The following KCNAB1 variants were observed in gnomAD, a reference collection of about 807,000 sequenced individuals.
The protein encoded by KCNAB1 is voltage-gated potassium channel subunit beta-1.
KCNAB1 carries 35 observed loss-of-function variants against 64.6 expected under a neutral mutation model. That is an observed-to-expected ratio of 0.54 (90% CI 0.41 to 0.72). The LOEUF (loss-of-function observed/expected upper bound fraction) is 0.72, where lower values mean the gene tolerates loss of function less well. KCNAB1 is among the 30% of genes least tolerant of loss of function. The probability of loss-of-function intolerance (pLI) is 0.00; values close to 1 mark genes in which losing one functional copy is unlikely to be tolerated. For missense variants in KCNAB1, 401 were observed against 512.9 expected, an observed-to-expected ratio of 0.78 and a Z score of 2.11; for synonymous variants, 177 against 183.8, an observed-to-expected ratio of 0.96 and a Z score of 0.30.
At chr3:156,500,342 T>C (rs1559917341) in intron 8 of KCNAB1, among the ~76,000 whole-genome samples, 1 of 152,190 alleles carries the variant, frequency 6.6e-6, no homozygotes, top group Non-Finnish European at 1.5e-5. Context: ...TGAAGCACCA[T>C]GTGACTGCAT....
chr3:156,263,668 T>C (rs1184502423), intron 1 of KCNAB1, among the ~76,000 whole-genome samples: 1 of 152,252 alleles, frequency 6.6e-6, no homozygotes, highest in East Asian at 1.9e-4. Context: ...GATCTCCTGG[T>C]GCTCATATCA....
chr3:156,303,497 A>G (rs1043731154), intron 1 of KCNAB1, among the ~76,000 whole-genome samples: 1 of 152,160 alleles, frequency 6.6e-6, no homozygotes, highest in Non-Finnish European at 1.5e-5. Context: ...AAATGAGGAA[A>G]TGGCTCCTGG....
At chr3:156,147,919 C>T (rs1366257078) in intron 1 of KCNAB1, among the ~76,000 whole-genome samples, 1 of 138,788 alleles carries the variant, frequency 7.2e-6, no homozygotes, top group African/African-American at 2.6e-5. Context: ...GCTCCCCAAC[C>T]TCCATCCCAC....
At chr3:156,127,260 T>A (rs1713714672) in intron 1 of KCNAB1, among the ~76,000 whole-genome samples, 1 of 152,218 alleles carries the variant, frequency 6.6e-6, no homozygotes, top group South Asian at 2.1e-4. Flanking sequence ...ATATTTTTTT[T>A]CCTAGAAAAA....
At chr3:156,463,574 C>T (rs1713106917) in intron 5 of KCNAB1, 128 bp from the exon 6 acceptor site, 1 of 749,298 alleles carries the variant, frequency 1.3e-6, no homozygotes. Flanking sequence ...ACAAATTTAC[C>T]TCTTTACCAA....
At chr3:156,335,241 G>C (rs1723605510) in intron 1 of KCNAB1, among the ~76,000 whole-genome samples, 1 of 152,136 alleles carries the variant, frequency 6.6e-6, no homozygotes, top group African/African-American at 2.4e-5. Context: ...TTTTAGTCTA[G>C]AAAATGCTTA....
chr3:156,408,639 G>A (rs931494372), intron 1 of KCNAB1, among the ~76,000 whole-genome samples: 1 of 152,042 alleles, frequency 6.6e-6, no homozygotes, highest in Admixed American at 6.5e-5. Flanking sequence ...AATTAGCCGG[G>A]TGTGGTGGGG....
intron 1 of KCNAB1, among the ~76,000 whole-genome samples, chr3:156,231,672 T>C (rs1017649569): frequency 4.6e-5 from 7 of 151,914 alleles, no homozygotes; most frequent in African/African-American, 1.7e-4. Flanking sequence ...AAGCAATTCC[T>C]CTGCACAATA....
At chr3:156,277,356 T>C (rs1210788258) in intron 1 of KCNAB1, among the ~76,000 whole-genome samples, 3 of 152,052 alleles carry the variant, frequency 2.0e-5, no homozygotes, top group Non-Finnish European at 4.4e-5. Flanking sequence ...CACAGAGACA[T>C]GAAGTGAGTG....
chr3:156,334,983 T>A (rs1335645575), intron 1 of KCNAB1, among the ~76,000 whole-genome samples: 1 of 152,196 alleles, frequency 6.6e-6, no homozygotes, highest in Non-Finnish European at 1.5e-5. Flanking sequence ...TGCCCTTCTT[T>A]CCCAAATGCA....
At position 156,396,259 on chromosome 3, in the gene KCNAB1, A is replaced by G. The variant is rs3796167; in HGVS notation, c.276-25357A>G. On this transcript the variant is annotated intron_variant, in intron 1 of 13. Transcript: ENST00000490337. ...CTAACCTTGCTATTTGAAGGTAGGT[A>G]GAGCTAGCTCAGATAAATGTTTTAA... 3.1e-4 allele frequency among the ~76,000 whole-genome samples: 47 copies of G among 152,362 alleles called. 1 individual carries two copies. In the East Asian group the frequency reaches 7.9e-3, roughly 26 times the overall value.
chr3:156,240,236 C>T (rs1235295779), intron 1 of KCNAB1, among the ~76,000 whole-genome samples: 2 of 152,134 alleles, frequency 1.3e-5, no homozygotes, highest in African/African-American at 2.4e-5. Context: ...CATTTCTAAG[C>T]GATATGGCCT....
intron 1 of KCNAB1, among the ~76,000 whole-genome samples, chr3:156,294,728 T>C (rs1029430909): frequency 7.2e-5 from 11 of 152,196 alleles, no homozygotes; most frequent in African/African-American, 2.7e-4. Context: ...AGTAGCTAAT[T>C]GTGGTCACAA....
At chr3:156,463,827 G>C in intron 6 of KCNAB1, 81 bp downstream of exon 6, 1 of 1,084,102 alleles carries the variant, frequency 9.2e-7, no homozygotes, top group South Asian at 1.5e-5. Context: ...TACATATAAC[G>C]TACCAAAATT....
At chr3:156,476,157 A>G (rs1234216089) in intron 8 of KCNAB1, among the ~76,000 whole-genome samples, 1 of 151,864 alleles carries the variant, frequency 6.6e-6, no homozygotes, top group African/African-American at 2.4e-5. Flanking sequence ...TTTTTATCTT[A>G]TTTTTCCATA....
At chr3:156,297,481 G>GA (rs1012391189) in intron 1 of KCNAB1, among the ~76,000 whole-genome samples, 106 of 143,224 alleles carry the variant, frequency 7.4e-4, no homozygotes, top group East Asian at 6.4e-3. Flanking sequence ...AGTTGTTCCA[G>GA]AAAAAAAAAA....
chr3:156,397,711 A>G (rs1484206783), intron 1 of KCNAB1, among the ~76,000 whole-genome samples: 1 of 152,084 alleles, frequency 6.6e-6, no homozygotes, highest in Non-Finnish European at 1.5e-5. Context: ...CCAGGGACCC[A>G]TCCTTTTACA....
At chr3:156,401,764 T>C (rs1259962922) in intron 1 of KCNAB1, among the ~76,000 whole-genome samples, 1 of 152,210 alleles carries the variant, frequency 6.6e-6, no homozygotes, top group Non-Finnish European at 1.5e-5. Flanking sequence ...CAAATTAAAT[T>C]TAAAGATCAT....
intron 1 of KCNAB1, among the ~76,000 whole-genome samples, chr3:156,302,034 C>A (rs1459388476): frequency 6.6e-6 from 1 of 152,190 alleles, no homozygotes; most frequent in African/African-American, 2.4e-5. Flanking sequence ...AAAGTGTCAG[C>A]AAAGCTCCTT....
Sources: gnomAD v4.1 joint callset for allele counts (sites outside exome capture counted in the v4.1 genomes callset) on GRCh38, gnomAD v4.1.1 for gene constraint, MANE v1.5 for transcripts, NCBI Gene and HGNC (gene_info 2026-07-23, HGNC 2026-07-21) for gene names.